Variants in IGF2BP3 observed in about 807,000 individuals in gnomAD.
IGF2BP3 encodes the protein insulin like growth factor 2 mRNA binding protein 3.
In IGF2BP3, 9 loss-of-function variants were observed where a neutral mutation model predicts 73.8. That is an observed-to-expected ratio of 0.12 (90% CI 0.07 to 0.21). The LOEUF is 0.21. Ranked by LOEUF, IGF2BP3 falls within the 10% of genes least tolerant of loss-of-function variation. The probability of loss-of-function intolerance (pLI) is 1.00; values close to 1 mark genes in which losing one functional copy is unlikely to be tolerated. For synonymous variants in IGF2BP3, 258 were observed against 256.7 expected, an observed-to-expected ratio of 1.01 and a Z score of -0.05; for missense variants, 542 against 714.0, an observed-to-expected ratio of 0.76 and a Z score of 2.75.
In IGF2BP3 at chr7:23,310,858, C is replaced by T. The variant is rs1783806352; in HGVS notation, c.*1504G>A. The T allele has an allele frequency of 6.6e-6, 1 of 151,738 alleles. No homozygotes were observed. The highest frequency in any genetic ancestry group is 1.5e-5 in the Non-Finnish European group (1 of 67,968). 9.4% of individuals were successfully genotyped at this position (151,738 alleles called of 1,614,324 possible). A position where few individuals can be genotyped will look rare whatever the true frequency, so the allele number is the denominator to read the frequency against. On this transcript the variant is annotated 3_prime_UTR_variant, in exon 15 of 15. Coordinates refer to ENST00000258729, the MANE Select transcript of IGF2BP3 (RefSeq NM_006547.3). Reference sequence around the variant, plus strand: ...AACATGACTGTGATCATCTTACAAACAAAACTCAAAAAATCAATTCAGAGA... The same window carrying T: ...AACATGACTGTGATCATCTTACAAATAAAACTCAAAAAATCAATTCAGAGA...
intron 2 of IGF2BP3, among the ~76,000 whole-genome samples, chr7:23,439,451 T>C (rs977644446): frequency 7.0e-6 from 1 of 142,812 alleles, no homozygotes; most frequent in African/African-American, 2.6e-5. Flanking sequence ...CCCAGCTACT[T>C]GGGAGGCTGA....
chr7:23,412,628 A>G (rs1050051452), intron 3 of IGF2BP3, among the ~76,000 whole-genome samples: 1 of 152,084 alleles, frequency 6.6e-6, no homozygotes, highest in South Asian at 2.1e-4. Flanking sequence ...TCAGCCCCCA[A>G]AATGACAACC....
At position 23,443,118 on chromosome 7, in the gene IGF2BP3, T is replaced by A. The variant is rs1365378574; in HGVS notation, c.237-24294A>T. Among the ~76,000 whole-genome samples, 37 of 140,896 alleles carry A rather than the reference T, an allele frequency of 2.6e-4. 1 individual carries two copies. Among genetic ancestry groups the A allele is most frequent in the African/African-American group, 9.9e-4 (37 of 37,230 alleles). 92.4% of individuals were successfully genotyped at this position (140,896 alleles called of 152,430 possible). The stretch of plus-strand genomic sequence containing the variant: ...ATTACAGTGATTTTTTTTTTTTTTT[T>A]TTTTTTTTTTTTGAGACTGTGTCTT... On this transcript the variant is annotated intron_variant, in intron 2 of 14. Transcript: ENST00000258729.
chr7:23,320,034 C>T (rs959920352), intron 10 of IGF2BP3, among the ~76,000 whole-genome samples: 1 of 152,034 alleles, frequency 6.6e-6, no homozygotes, highest in African/African-American at 2.4e-5. Context: ...CCTCAGCTTC[C>T]CAAGGAGCTG....
At chr7:23,390,662 C>A (rs559611356) in intron 3 of IGF2BP3, among the ~76,000 whole-genome samples, 1 of 152,144 alleles carries the variant, frequency 6.6e-6, no homozygotes, top group African/African-American at 2.4e-5. Context: ...ACCTTTACCC[C>A]CTTTTCTCCC....
chr7:23,321,661 T>C (rs1402803187), intron 10 of IGF2BP3, among the ~76,000 whole-genome samples: 2 of 152,184 alleles, frequency 1.3e-5, no homozygotes, highest in Non-Finnish European at 2.9e-5. Context: ...CTCTGCAGAC[T>C]TAAATGTCCC....
intron 2 of IGF2BP3, among the ~76,000 whole-genome samples, chr7:23,465,876 C>G (rs1309063361): frequency 1.1e-4 from 16 of 152,146 alleles, no homozygotes; most frequent in Admixed American, 1.0e-3. Context: ...CCCTTAGGTG[C>G]TGGGCATGTG....
chr7:23,366,137 G>A (rs1409987355), intron 3 of IGF2BP3, among the ~76,000 whole-genome samples: 2 of 151,312 alleles, frequency 1.3e-5, no homozygotes, highest in African/African-American at 2.4e-5. Context: ...CAACTTCCGT[G>A]TAAATCTTTT....
At chr7:23,424,586 G>A (rs1053562904) in intron 2 of IGF2BP3, among the ~76,000 whole-genome samples, 6 of 152,010 alleles carry the variant, frequency 3.9e-5, no homozygotes, top group African/African-American at 1.5e-4. Flanking sequence ...TTAAAAGCAT[G>A]TTTAATCACA....
intron 2 of IGF2BP3, 58 bp downstream of exon 2, chr7:23,468,422 GTC>G: frequency 1.9e-6 from 3 of 1,553,674 alleles, no homozygotes; most frequent in Non-Finnish European, 2.7e-6. Flanking sequence ...TCTCAGCTGA[GTC>G]TCTCCACCCA....
intron 2 of IGF2BP3, among the ~76,000 whole-genome samples, chr7:23,434,167 T>C (rs1787754423): frequency 6.6e-6 from 1 of 152,106 alleles, no homozygotes; most frequent in African/African-American, 2.4e-5. Context: ...ACTAAAACTG[T>C]ACCTGCAAGA....
chr7:23,445,091 G>A (rs1208154854), intron 2 of IGF2BP3, among the ~76,000 whole-genome samples: 1 of 152,038 alleles, frequency 6.6e-6, no homozygotes, highest in Admixed American at 6.6e-5. Context: ...AAAACAGTAA[G>A]GTATGGTGCT....
At chr7:23,466,001 A>G (rs1788557872) in intron 2 of IGF2BP3, among the ~76,000 whole-genome samples, 2 of 150,934 alleles carry the variant, frequency 1.3e-5, no homozygotes, top group South Asian at 4.2e-4. Context: ...TGTAATATAG[A>G]TTTCCAGAGG....
At chr7:23,377,452 A>G (rs552084000) in intron 3 of IGF2BP3, among the ~76,000 whole-genome samples, 102 of 152,340 alleles carry the variant, frequency 6.7e-4, no homozygotes, top group African/African-American at 2.2e-3. Context: ...TAGGATGGCT[A>G]TAATTGAAAA....
At chr7:23,326,022 T>G (rs1019622914) in intron 10 of IGF2BP3, among the ~76,000 whole-genome samples, 8 of 152,226 alleles carry the variant, frequency 5.3e-5, no homozygotes, top group East Asian at 3.9e-4. Context: ...ACTTCATGTC[T>G]AAAACACCAA....
chr7:23,349,219 T>G (rs1272530352), intron 6 of IGF2BP3, among the ~76,000 whole-genome samples: 35 of 152,232 alleles, frequency 2.3e-4, no homozygotes, highest in Non-Finnish European at 5.9e-5. Context: ...CTTTGGCCAT[T>G]CAAACACTTA....
At chr7:23,313,893 C>A (rs1185403572) in intron 12 of IGF2BP3, among the ~76,000 whole-genome samples, 2 of 152,228 alleles carry the variant, frequency 1.3e-5, no homozygotes, top group Non-Finnish European at 2.9e-5. Context: ...AAACCATATT[C>A]TTCTGATGAA....
At chr7:23,415,578 G>A (rs574493099) in intron 3 of IGF2BP3, 9 of 265,832 alleles carry the variant, frequency 3.4e-5, no homozygotes, top group African/African-American at 1.4e-4. Flanking sequence ...GTCAGCCGGC[G>A]TCACTGAATC....
chr7:23,391,097 CTTT>C (rs773815068), intron 3 of IGF2BP3, among the ~76,000 whole-genome samples: 7 of 105,880 alleles, frequency 6.6e-5, no homozygotes, highest in East Asian at 2.8e-4. Flanking sequence ...TCGCGCCTGG[CTTT>C]TTTTTTTTTT....
Sources: gnomAD v4.1 joint callset for allele counts (sites outside exome capture counted in the v4.1 genomes callset) on GRCh38, gnomAD v4.1.1 for gene constraint, MANE v1.5 for transcripts, NCBI Gene and HGNC (gene_info 2026-07-23, HGNC 2026-07-21) for gene names.